TEAD1: variants seen among roughly 807,000 people sequenced by gnomAD.
TEAD1 encodes transcriptional enhancer factor TEF-1.
Under a neutral mutation model 54.9 loss-of-function variants are expected in TEAD1, and 9 were observed. The observed-to-expected ratio is 0.16, with a 90% CI of 0.10 to 0.29. The LOEUF (loss-of-function observed/expected upper bound fraction) is 0.29, where lower values mean the gene tolerates loss of function less well. Ranked by LOEUF, TEAD1 falls within the 10% of genes least tolerant of loss-of-function variation. The pLI is 1.00. For missense variants in TEAD1, 387 were observed against 535.9 expected, an observed-to-expected ratio of 0.72 and a Z score of 2.74; for synonymous variants, 200 against 187.8, an observed-to-expected ratio of 1.07 and a Z score of -0.53.
At chr11:12,916,689 G>T (rs1398194174) in intron 10 of TEAD1, among the ~76,000 whole-genome samples, 1 of 152,232 alleles carries the variant, frequency 6.6e-6, no homozygotes, top group African/African-American at 2.4e-5. Flanking sequence ...TGTGCTGTCA[G>T]TCCAGTGTCT....
At chr11:12,835,616 G>T (rs913215452) in intron 3 of TEAD1, among the ~76,000 whole-genome samples, 2 of 146,668 alleles carry the variant, frequency 1.4e-5, no homozygotes, top group Non-Finnish European at 3.0e-5. Flanking sequence ...CACCGTACCC[G>T]GTGGCTCTGA....
intron 6 of TEAD1, among the ~76,000 whole-genome samples, chr11:12,880,051 A>G (rs537807864): frequency 7.9e-5 from 12 of 152,180 alleles, no homozygotes; most frequent in African/African-American, 2.9e-4. Context: ...GGGGGAGGAG[A>G]AGGAGGAGGA....
rs573259040 is a variant in TEAD1, at chr11:12,883,841, G to A, written c.699+716G>A. On this transcript the variant is annotated intron_variant, in intron 9 of 12. Coordinates refer to ENST00000527636, the MANE Select transcript of TEAD1 (RefSeq NM_021961.6). ...ATCTTGGCCAACATGGTGAAACCCC[G>A]TCTCTACTAAAAATACATGGCCACG... Among the ~76,000 whole-genome samples the A allele has an allele frequency of 1.3e-4, 19 of 151,994 alleles. No homozygotes were observed. In the South Asian group the frequency reaches 1.5e-3, roughly 12 times the overall value.
chr11:12,788,462 A>T (rs908844700), intron 3 of TEAD1, among the ~76,000 whole-genome samples: 1 of 152,176 alleles, frequency 6.6e-6, no homozygotes, highest in Non-Finnish European at 1.5e-5. Flanking sequence ...AATATCTTTG[A>T]CAAGCCTTTT....
chr11:12,935,441 ATTATTTAT>A (rs372268851), intron 12 of TEAD1, among the ~76,000 whole-genome samples: 76 of 149,656 alleles, frequency 5.1e-4, no homozygotes, highest in Middle Eastern at 3.4e-3. Flanking sequence ...TCATTCAGCA[ATTATTTAT>A]TTATTTATTT....
intron 2 of TEAD1, among the ~76,000 whole-genome samples, chr11:12,694,404 CTT>C (rs545388326): frequency 6.9e-6 from 1 of 145,022 alleles, no homozygotes; most frequent in African/African-American, 2.5e-5. Context: ...ACAGGGTCCT[CTT>C]TTTTTTTTTT....
intron 9 of TEAD1, among the ~76,000 whole-genome samples, chr11:12,894,130 T>C (rs983847291): frequency 1.3e-5 from 2 of 152,256 alleles, no homozygotes; most frequent in Non-Finnish European, 2.9e-5. Context: ...TGTCTTGATT[T>C]CTTTAAATTC....
intron 9 of TEAD1, among the ~76,000 whole-genome samples, chr11:12,894,759 C>T (rs1398811655): frequency 6.6e-6 from 1 of 152,166 alleles, no homozygotes; most frequent in African/African-American, 2.4e-5. Flanking sequence ...TTTTTGTTAT[C>T]AGAGGGACCG....
rs149356687 is a variant in TEAD1 at position 12,880,614 on chromosome 11, G to A, written c.466-391G>A. 4.6e-5 allele frequency among the ~76,000 whole-genome samples: 7 copies of A among 152,266 alleles called. No homozygotes were observed. The East Asian group carries it at 1.4e-3, about 29-fold the overall frequency. On this transcript the variant is annotated intron_variant, in intron 6 of 12. Coordinates refer to ENST00000527636, the MANE Select transcript of TEAD1 (RefSeq NM_021961.6). ...TCAAGCTTTGTCCTCTGCCTTGCTG[G>A]GTCTTCACTGCTGTTGACGCAGAAT...
chr11:12,707,631 G>GATAACACAGA (rs1230682132), intron 2 of TEAD1, among the ~76,000 whole-genome samples: 4 of 152,196 alleles, frequency 2.6e-5, no homozygotes, highest in Admixed American at 2.6e-4. Flanking sequence ...GAGAGAGAGA[G>GATAACACAGA]GGTGATAGCT....
rs1948433455 is a variant in TEAD1 at position 12,901,952 on chromosome 11, C to G, written c.712C>G (p.Leu238Val). The change falls in exon 10 of 13, where the codon CTC (leucine) becomes GTC (valine). Residue 238 changes from leucine to valine, a missense_variant. This residue lies in a region of TEAD1 where 180 missense variants were observed against 180.6 expected (regional missense o/e 1.00). Transcript: ENST00000527636. The stretch of plus-strand genomic sequence containing the variant: ...TGGTTTCTTACAGTACAACAAACAC[C>G]TCTTCGTGCACATTGGGCATGCCAA... 1 of 1,614,188 alleles carries G rather than the reference C, an allele frequency of 6.2e-7. No individual in the cohort carries two copies. The highest frequency in any genetic ancestry group is 1.3e-5 in the African/African-American group (1 of 75,040).
Position 12,743,846 on chromosome 11 carries a change from G to A in TEAD1, c.-54-20333G>A, listed in dbSNP as rs139615253. Among the ~76,000 whole-genome samples, 961 of 152,266 alleles carry A rather than the reference G, an allele frequency of 6.3e-3. 12 individuals carry two copies. The highest frequency in any genetic ancestry group is 0.022 in the African/African-American group (916 of 41,538). ...TACACTGCAGGCCCCTTGATTTGCC[G>A]GACACCTATCCTTGTTGAATAGTGA... On this transcript the variant is annotated intron_variant, in intron 2 of 12. Coordinates refer to ENST00000527636, the MANE Select transcript of TEAD1 (RefSeq NM_021961.6).
At chr11:12,843,608 T>G (rs1291301719) in intron 3 of TEAD1, among the ~76,000 whole-genome samples, 1 of 152,252 alleles carries the variant, frequency 6.6e-6, no homozygotes, top group East Asian at 1.9e-4. Flanking sequence ...TCTAATGGAT[T>G]GTTATTCACA....
chr11:12,726,277 C>T (rs1273316162), intron 2 of TEAD1, among the ~76,000 whole-genome samples: 1 of 152,134 alleles, frequency 6.6e-6, no homozygotes, highest in Non-Finnish European at 1.5e-5. Context: ...TGCTGAATGT[C>T]ATTCTAAAAA....
chr11:12,694,053 G>A (rs556389583), intron 2 of TEAD1, among the ~76,000 whole-genome samples: 1 of 152,318 alleles, frequency 6.6e-6, no homozygotes, highest in Non-Finnish European at 1.5e-5. Context: ...AGGCTGCGTT[G>A]GCACACCCTG....
chr11:12,887,504 G>C (rs550465838), intron 9 of TEAD1, among the ~76,000 whole-genome samples: 1 of 152,278 alleles, frequency 6.6e-6, no homozygotes, highest in East Asian at 1.9e-4. Flanking sequence ...AAGTGATGGA[G>C]AATTAATAAA....
chr11:12,689,492 G>C (rs1295916212), intron 2 of TEAD1, among the ~76,000 whole-genome samples: 2 of 152,174 alleles, frequency 1.3e-5, no homozygotes, highest in Non-Finnish European at 1.5e-5. Context: ...ATGGGTTATA[G>C]TGCAGGTTCA....
intron 5 of TEAD1, among the ~76,000 whole-genome samples, chr11:12,874,932 T>G (rs1947825322): frequency 6.6e-6 from 1 of 152,220 alleles, no homozygotes; most frequent in African/African-American, 2.4e-5. Context: ...AAATCAGCAA[T>G]AAGTAGTCAG....
chr11:12,893,319 G>T (rs771934986), intron 9 of TEAD1, among the ~76,000 whole-genome samples: 11 of 152,168 alleles, frequency 7.2e-5, no homozygotes, highest in Non-Finnish European at 1.5e-4. Flanking sequence ...TGATGGCTCA[G>T]TGTGGAGCAC....
Sources: gnomAD v4.1 joint callset for allele counts (sites outside exome capture counted in the v4.1 genomes callset) on GRCh38, gnomAD v4.1.1 for gene constraint, gnomAD v4.1.1 regional missense constraint, MANE v1.5 for transcripts, NCBI Gene and HGNC (gene_info 2026-07-23, HGNC 2026-07-21) for gene names.